CALCRL: variants seen among roughly 807,000 people sequenced by gnomAD.
The protein encoded by CALCRL is calcitonin receptor like receptor.
A neutral mutation model predicts 60.4 loss-of-function variants in CALCRL; 27 were observed. The ratio of observed to expected loss-of-function variants is 0.45; its 90% CI spans 0.33 to 0.62. The LOEUF (loss-of-function observed/expected upper bound fraction) is 0.62, where lower values mean the gene tolerates loss of function less well. Among genes scored for constraint, CALCRL ranks in the 20% least tolerant of loss-of-function variants. The pLI is 0.03. For missense variants in CALCRL, 424 were observed against 540.7 expected (o/e 0.78, Z 2.14); for synonymous variants, 190 against 182.6 (o/e 1.04, Z -0.33).
intron 1 of CALCRL, chr2:187,428,543 T>G (rs1209326301): frequency 1.3e-5 from 2 of 152,196 alleles, no homozygotes; most frequent in Non-Finnish European, 2.9e-5. Context: ...GCTATAAAAT[T>G]TTAAAGAGAT....
chr2:187,346,118 G>A lies in CALCRL; in HGVS notation c.*66C>T. Reference sequence around the variant, plus strand: ...TTAATATTGAAGTCTTCTGGCTACAGAGTCATGGGTCCAAGTCCTTGAGTT... The same window carrying A: ...TTAATATTGAAGTCTTCTGGCTACAAAGTCATGGGTCCAAGTCCTTGAGTT... On this transcript the variant is annotated 3_prime_UTR_variant, in exon 15 of 15. Coordinates refer to ENST00000392370, the MANE Select transcript of CALCRL (RefSeq NM_005795.6). 1 of 949,980 alleles carries A rather than the reference G, an allele frequency of 1.1e-6. No individual in the cohort carries two copies. Among genetic ancestry groups the A allele is most frequent in the Non-Finnish European group, 1.6e-6 (1 of 627,932 alleles). 58.8% of individuals were successfully genotyped at this position (949,980 alleles called of 1,614,324 possible). A position where few individuals can be genotyped will look rare whatever the true frequency, so the allele number is the denominator to read the frequency against.
At chr2:187,385,815 A>G (rs191251235) in intron 3 of CALCRL, among the ~76,000 whole-genome samples, 184 bp from the exon 4 acceptor site, 15 of 152,192 alleles carry the variant, frequency 9.9e-5, no homozygotes, top group South Asian at 2.1e-4. Flanking sequence ...CAGTGCCACA[A>G]TCTTGGCTCA....
chr2:187,406,626 C>T lies in CALCRL; in HGVS notation c.-292-18870G>A, dbSNP rs1689141062. Among the ~76,000 whole-genome samples, 3 of 152,014 alleles carry T rather than the reference C, an allele frequency of 2.0e-5. No homozygotes were observed. The South Asian group carries it at 6.2e-4, about 32-fold the overall frequency. On this transcript the variant is annotated intron_variant, in intron 1 of 14. Coordinates refer to ENST00000392370, the MANE Select transcript of CALCRL (RefSeq NM_005795.6). ...TTATTTTTATCTATGGTCTTTGTAA[C>T]TAACCATTCCTGGTAATGCTGTGGT... is the stretch of plus-strand genomic sequence containing the variant.
At chr2:187,359,466 G>A (rs964995452) in intron 10 of CALCRL, among the ~76,000 whole-genome samples, 194 bp from the exon 11 acceptor site, 1 of 152,040 alleles carries the variant, frequency 6.6e-6, no homozygotes. Flanking sequence ...ACATTTTTGT[G>A]TTTGTGTGTT....
chr2:187,360,676 TGCCTTCACAGAG>T lies in CALCRL; in HGVS notation c.691_702del (p.Leu231_Gly234del). On this transcript the variant is annotated inframe_deletion, in exon 10 of 15. Transcript: ENST00000392370. ...ACCACAATGAGTGTGTGTAGGTAAATGCCTTCACAGAGCATCCAAAAGTAATTACAGCCCATC... is the reference window on the plus strand; with the variant it reads ...ACCACAATGAGTGTGTGTAGGTAAATCATCCAAAAGTAATTACAGCCCATC... 2 of 1,612,946 alleles carry T rather than the reference TGCCTTCACAGAG, an allele frequency of 1.2e-6. No individual in the cohort carries two copies. The highest frequency in any genetic ancestry group is 8.5e-7 in the Non-Finnish European group (1 of 1,179,286).
intron 1 of CALCRL, among the ~76,000 whole-genome samples, chr2:187,403,887 A>G (rs1450725635): frequency 6.6e-6 from 1 of 151,918 alleles, no homozygotes; most frequent in Admixed American, 6.6e-5. Context: ...CCAGTGTAAA[A>G]GAAGTTGCAC....
rs762098177 is a variant in CALCRL at position 187,383,315 on chromosome 2, T to TA, written c.52-11dup. The stretch of plus-strand genomic sequence containing the variant: ...CTGCTGTAACAAGAATCTAAGGGAT[T>TA]AAAAAAACAACAACATCAACTTCAT... On this transcript the variant is annotated splice_polypyrimidine_tract_variant and intron_variant, in intron 4 of 14. Coordinates refer to ENST00000392370, the MANE Select transcript of CALCRL (RefSeq NM_005795.6). 3.8e-6 allele frequency: 6 copies of TA among 1,577,744 alleles called. No homozygotes were observed. Among genetic ancestry groups the TA allele is most frequent in the South Asian group, 2.4e-5 (2 of 84,732 alleles).
At chr2:187,355,538 G>C (rs1038032520) in intron 12 of CALCRL, among the ~76,000 whole-genome samples, 5 of 152,022 alleles carry the variant, frequency 3.3e-5, no homozygotes, top group Admixed American at 6.6e-5. Flanking sequence ...ACTGCAGCTA[G>C]CAAATATAGT....
chr2:187,346,268 A>G lies in CALCRL; in HGVS notation c.1302T>C (p.His434=). The change falls in exon 15 of 15, where the codon CAT becomes CAC. Residue 434 remains histidine, a synonymous_variant. Transcript: ENST00000392370. ...STISDGPGYS[H]DCPSEHLNGK... is the part of the protein sequence containing the mutation. ...CATTTAAGTGTTCACTAGGACAGTC[A>G]TGACTATAACCTGGACCATCACTGA... 1 of 1,612,438 alleles carries G rather than the reference A, an allele frequency of 6.2e-7. No homozygotes were observed. Among genetic ancestry groups the G allele is most frequent in the South Asian group, 1.1e-5 (1 of 91,024 alleles).
intron 1 of CALCRL, among the ~76,000 whole-genome samples, chr2:187,426,144 C>T (rs1690108549): frequency 6.6e-6 from 1 of 151,134 alleles, no homozygotes; most frequent in Non-Finnish European, 1.5e-5. Flanking sequence ...ATAAAGGTAG[C>T]ACGGAGCAAG....
rs991898067 is a variant in CALCRL, at chr2:187,439,509, C to A, written c.-293+8530G>T. Among the ~76,000 whole-genome samples the A allele has an allele frequency of 5.3e-5, 8 of 151,466 alleles. No homozygotes were observed. In the South Asian group the frequency reaches 6.2e-4, roughly 12 times the overall value. On this transcript the variant is annotated intron_variant, in intron 1 of 14. Coordinates refer to ENST00000392370, the MANE Select transcript of CALCRL (RefSeq NM_005795.6). ...ACAAAACAAACAAACAAACAAAAAA[C>A]CAACAAAAAAACAGTAAATATGTAA...
intron 1 of CALCRL, among the ~76,000 whole-genome samples, chr2:187,429,384 A>T (rs928251449): frequency 6.6e-6 from 1 of 152,166 alleles, no homozygotes; most frequent in Admixed American, 6.5e-5. Context: ...GCTATTTCAG[A>T]ACTTCAGAGC....
At chr2:187,427,535 T>A (rs1451582273) in intron 1 of CALCRL, among the ~76,000 whole-genome samples, 1 of 152,182 alleles carries the variant, frequency 6.6e-6, no homozygotes, top group African/African-American at 2.4e-5. Context: ...TATAATATGC[T>A]TTCTACTAAA....
At chr2:187,440,279 A>C (rs1471251312) in intron 1 of CALCRL, among the ~76,000 whole-genome samples, 1 of 152,150 alleles carries the variant, frequency 6.6e-6, no homozygotes, top group East Asian at 1.9e-4. Context: ...TCACGCAACT[A>C]TTTCTGTAAG....
chr2:187,402,935 G>A (rs1029459237), intron 1 of CALCRL, among the ~76,000 whole-genome samples: 2 of 151,568 alleles, frequency 1.3e-5, no homozygotes, highest in African/African-American at 2.4e-5. Context: ...GGGTTTAGAC[G>A]AAGTGATGGG....
At chr2:187,446,420 A>G (rs1191466407) in intron 1 of CALCRL, among the ~76,000 whole-genome samples, 1 of 151,728 alleles carries the variant, frequency 6.6e-6, no homozygotes, top group Non-Finnish European at 1.5e-5. Flanking sequence ...TATAAACCAT[A>G]CTGTTAGTAA....
intron 8 of CALCRL, 41 bp from the exon 9 acceptor site, chr2:187,363,543 G>A: frequency 6.6e-7 from 1 of 1,519,286 alleles, no homozygotes; most frequent in South Asian, 1.3e-5. Flanking sequence ...ATCATGAAAT[G>A]TTTTTTTATT....
intron 12 of CALCRL, among the ~76,000 whole-genome samples, chr2:187,354,473 G>C (rs1023480384): frequency 1.1e-4 from 16 of 152,084 alleles, no homozygotes; most frequent in African/African-American, 3.6e-4. Flanking sequence ...ATGTGATGGA[G>C]GAAGTCTGAG....
chr2:187,377,350 G>C (rs1285935678), intron 8 of CALCRL, among the ~76,000 whole-genome samples: 1 of 152,046 alleles, frequency 6.6e-6, no homozygotes, highest in Admixed American at 6.6e-5. Context: ...AAGTTCACAG[G>C]TTATAAGGAA....
Sources: allele counts gnomAD v4.1 joint callset (sites outside exome capture counted in the v4.1 genomes callset), GRCh38; gene constraint gnomAD v4.1.1; transcripts MANE v1.5; gene names NCBI Gene and HGNC (gene_info 2026-07-23, HGNC 2026-07-21).